Variants in ANK1 observed in about 807,000 individuals in gnomAD.
ANK1 encodes ankyrin 1, also known as ankyrin-1.
ANK1 carries 51 observed loss-of-function variants against 210.4 expected under a neutral mutation model. The observed-to-expected ratio is 0.24, with a 90% CI of 0.19 to 0.31. The LOEUF is 0.31. ANK1 is among the 10% of genes least tolerant of loss of function. The pLI is 1.00. For synonymous variants in ANK1, 967 were observed against 1,025.9 expected, an observed-to-expected ratio of 0.94 and a Z score of 1.10; for missense variants, 2,051 against 2,504.4, an observed-to-expected ratio of 0.82 and a Z score of 3.86.
At chr8:41,774,348 T>C (rs553024374) in intron 1 of ANK1, among the ~76,000 whole-genome samples, 3 of 152,370 alleles carry the variant, frequency 2.0e-5, no homozygotes, top group East Asian at 1.9e-4. Flanking sequence ...TTAGCTGGAT[T>C]GGAATCCAGT....
At chr8:41,724,430 T>C (rs1830151755) in intron 7 of ANK1, 26 bp downstream of exon 7, 1 of 1,538,722 alleles carries the variant, frequency 6.5e-7, no homozygotes, top group Non-Finnish European at 8.8e-7. Context: ...CCCCGGACAG[T>C]GAGGGCGCAC....
intron 37 of ANK1, among the ~76,000 whole-genome samples, chr8:41,675,239 G>A (rs1258830485): frequency 6.6e-6 from 1 of 152,160 alleles, no homozygotes; most frequent in Non-Finnish European, 1.5e-5. Flanking sequence ...TGGGATTACA[G>A]GTATGCGCCA....
intron 1 of ANK1, among the ~76,000 whole-genome samples, chr8:41,814,654 C>A (rs1803034040): frequency 6.6e-6 from 1 of 151,826 alleles, no homozygotes; most frequent in Admixed American, 6.6e-5. Flanking sequence ...GATGAGATTT[C>A]ATTATAATAA....
chr8:41,870,495 C>G (rs542185629), intron 1 of ANK1, among the ~76,000 whole-genome samples: 1 of 152,158 alleles, frequency 6.6e-6, no homozygotes, highest in Non-Finnish European at 1.5e-5. Flanking sequence ...GCCCCTGTGA[C>G]TGGGGATGTT....
intron 39 of ANK1, chr8:41,664,041 G>C (rs760622418): frequency 3.7e-6 from 2 of 547,398 alleles, no homozygotes; most frequent in Non-Finnish European, 7.0e-6. Context: ...TCTGACGGAG[G>C]AGGCCCTGAG....
chr8:41,668,159 G>T, intron 39 of ANK1, 108 bp downstream of exon 39: 1 of 1,462,252 alleles, frequency 6.8e-7, no homozygotes, highest in East Asian at 2.3e-5. Flanking sequence ...TTAAAGGAAG[G>T]GGATATGCTT....
At chr8:41,831,703 G>A (rs564471264) in intron 1 of ANK1, among the ~76,000 whole-genome samples, 1 of 151,620 alleles carries the variant, frequency 6.6e-6, no homozygotes, top group African/African-American at 2.4e-5. Context: ...AGGAAGGAAG[G>A]AAGGAAGGAC....
At chr8:41,808,367 C>T (rs1221055818) in intron 1 of ANK1, among the ~76,000 whole-genome samples, 1 of 152,150 alleles carries the variant, frequency 6.6e-6, no homozygotes, top group Non-Finnish European at 1.5e-5. Context: ...CTGGGACATG[C>T]CACTTACCTG....
chr8:41,875,046 G>A (rs1297134804), intron 1 of ANK1, among the ~76,000 whole-genome samples: 3 of 152,188 alleles, frequency 2.0e-5, no homozygotes, highest in East Asian at 1.9e-4. Context: ...CACCTGTCTC[G>A]GTCCATATAT....
At chr8:41,734,988 A>G (rs756364640) in intron 2 of ANK1, among the ~76,000 whole-genome samples, 19 of 152,144 alleles carry the variant, frequency 1.2e-4, no homozygotes, top group Non-Finnish European at 2.4e-4. Flanking sequence ...AAGCTTTAGG[A>G]AAAGCAAAAA....
chr8:41,695,101 A>G, intron 27 of ANK1, 76 bp downstream of exon 27: 11 of 1,598,512 alleles, frequency 6.9e-6, no homozygotes, highest in Non-Finnish European at 8.6e-6. Context: ...GTGGCCCTCA[A>G]AGACCACCTT....
chr8:41,790,041 C>T lies in ANK1; in HGVS notation c.27+7471G>A, dbSNP rs548869783. On this transcript the variant is annotated intron_variant, in intron 1 of 42. Coordinates refer to ENST00000289734, the MANE Select transcript of ANK1 (RefSeq NM_000037.4). ...CAGAATCTGGGCAGTTCCTGTCACC[C>T]GCCTCCAGGTCCACTGTAAGTCCCA... Among the ~76,000 whole-genome samples the T allele has an allele frequency of 1.5e-4, 23 of 152,204 alleles. 1 individual carries two copies. In the South Asian group the frequency reaches 4.2e-3, roughly 27 times the overall value.
intron 37 of ANK1, among the ~76,000 whole-genome samples, chr8:41,682,137 C>T (rs1053191892): frequency 1.3e-5 from 2 of 152,212 alleles, no homozygotes; most frequent in African/African-American, 4.8e-5. Context: ...GGGTGGGCTC[C>T]GTGTCACCCC....
At chr8:41,668,700 T>C in intron 38 of ANK1, 136 bp from the exon 39 acceptor site, 1 of 1,015,222 alleles carries the variant, frequency 9.9e-7, no homozygotes, top group Admixed American at 2.6e-5. Context: ...CGTCCTCCCA[T>C]CCCTCCAAAG....
intron 14 of ANK1, 34 bp from the exon 15 acceptor site, chr8:41,715,108 C>A (rs747740366): frequency 1.3e-6 from 2 of 1,599,344 alleles, no homozygotes; most frequent in South Asian, 2.2e-5. Flanking sequence ...ACCTTGGGGC[C>A]CCAGGGCTGT....
At chr8:41,880,360 A>T (rs912200611) in intron 1 of ANK1, among the ~76,000 whole-genome samples, 1 of 152,242 alleles carries the variant, frequency 6.6e-6, no homozygotes, top group Admixed American at 6.5e-5. Flanking sequence ...TGAGATTATC[A>T]GTGTTAATGG....
chr8:41,809,158 C>T (rs994917281), intron 1 of ANK1, among the ~76,000 whole-genome samples: 2 of 152,182 alleles, frequency 1.3e-5, no homozygotes, highest in Admixed American at 1.3e-4. Context: ...ACTTTGATCT[C>T]ATGCCTTACG....
intron 3 of ANK1, among the ~76,000 whole-genome samples, chr8:41,731,658 G>A (rs750785956): frequency 6.6e-6 from 1 of 151,468 alleles, no homozygotes; most frequent in Non-Finnish European, 1.5e-5. Flanking sequence ...CCCAGCCCAC[G>A]GTTTCAGTTC....
chr8:41,787,758 T>A (rs1450497102), intron 1 of ANK1, among the ~76,000 whole-genome samples: 1 of 151,756 alleles, frequency 6.6e-6, no homozygotes, highest in Admixed American at 6.6e-5. Flanking sequence ...GAGGCTGCAG[T>A]GGGCCATGAC....
Sources: gnomAD v4.1 joint callset for allele counts (sites outside exome capture counted in the v4.1 genomes callset) on GRCh38, gnomAD v4.1.1 for gene constraint, MANE v1.5 for transcripts, NCBI Gene and HGNC (gene_info 2026-07-23, HGNC 2026-07-21) for gene names.